The following ZZEF1 variants were observed in gnomAD, a reference collection of about 807,000 sequenced individuals.
ZZEF1 encodes zinc finger ZZ-type and EF-hand domain containing 1.
ZZEF1 carries 157 observed loss-of-function variants against 342.8 expected under a neutral mutation model. The ratio of observed to expected loss-of-function variants is 0.46; its 90% CI spans 0.40 to 0.52. The LOEUF is 0.52. ZZEF1 is among the 20% of genes least tolerant of loss of function. The probability of loss-of-function intolerance (pLI) is 0.00; values close to 1 mark genes in which losing one functional copy is unlikely to be tolerated. For missense variants in ZZEF1, 3,480 were observed against 3,725.6 expected (o/e 0.93, Z 1.72); for synonymous variants, 1,505 against 1,429.1 (o/e 1.05, Z -1.20).
intron 21 of ZZEF1, among the ~76,000 whole-genome samples, 153 bp from the exon 22 acceptor site, chr17:4,075,582 C>T (rs1567818197): frequency 6.6e-6 from 1 of 152,186 alleles, no homozygotes. Context: ...CCTGACATTC[C>T]CATCTTCACA....
chr17:4,068,388 G>T (rs2057444200), intron 26 of ZZEF1, among the ~76,000 whole-genome samples: 1 of 152,128 alleles, frequency 6.6e-6, no homozygotes, highest in South Asian at 2.1e-4. Flanking sequence ...AGCAATTCAA[G>T]CAATTCTCCT....
chr17:4,086,747 G>A, intron 14 of ZZEF1, 92 bp from the exon 15 acceptor site: 3 of 1,312,986 alleles, frequency 2.3e-6, no homozygotes, highest in Non-Finnish European at 2.1e-6. Flanking sequence ...CTTTCCTCTA[G>A]GCATCAGGCT....
intron 1 of ZZEF1, among the ~76,000 whole-genome samples, chr17:4,141,118 A>G (rs1488933625): frequency 6.6e-6 from 1 of 152,190 alleles, no homozygotes. Context: ...CACGTTGGCC[A>G]GGCTGGTCTT....
At position 4,062,829 on chromosome 17, in the gene ZZEF1, C is replaced by G; in HGVS notation, c.4807G>C (p.Gly1603Arg). The G allele has an allele frequency of 6.2e-7, 1 of 1,613,538 alleles. No individual in the cohort carries two copies. Among genetic ancestry groups the G allele is most frequent in the Non-Finnish European group, 8.5e-7 (1 of 1,179,816 alleles). ...GGTGGATGGAAGCAGTGGGGCTGCC[C>G]AAGGGATTCTGCACAGTGCTGAGTT... ...KITQHCAESLGQPHCFHPPFI... is the reference protein window; with the variant it reads ...KITQHCAESLRQPHCFHPPFI... Residue 1603 changes from glycine to arginine, a missense_variant, in exon 30 of 55, where the codon GGG becomes CGG. Gly to Arg is a moderately radical substitution (Grantham distance 125). Transcript: ENST00000381638.
intron 2 of ZZEF1, among the ~76,000 whole-genome samples, chr17:4,118,921 A>G (rs2058440537): frequency 6.6e-6 from 1 of 152,206 alleles, no homozygotes; most frequent in African/African-American, 2.4e-5. Flanking sequence ...AATCTGCACA[A>G]TGTCATCAGT....
Position 4,044,225 on chromosome 17 carries a change from TG to T in ZZEF1, c.6164del (p.Pro2055GlnfsTer14). On this transcript the variant is annotated frameshift_variant and splice_region_variant, in exon 38 of 55. Coordinates refer to ENST00000381638, the MANE Select transcript of ZZEF1 (RefSeq NM_015113.4). LOFTEE classifies it high-confidence loss of function. ...AGATAATGGTCAAATAGTCTTTACC[TG>T]GAAGTCCTGTAGGTGGGCTAGCATC... ...PADASPPTGL[P>X]DAEDSEVSSQ... 1.2e-6 allele frequency: 2 copies of T among 1,613,458 alleles called. No homozygotes were observed. The highest frequency in any genetic ancestry group is 1.7e-6 in the Non-Finnish European group (2 of 1,179,786).
At chr17:4,086,706 T>C in intron 14 of ZZEF1, 51 bp from the exon 15 acceptor site, 1 of 1,597,594 alleles carries the variant, frequency 6.3e-7, no homozygotes, top group Non-Finnish European at 8.6e-7. Flanking sequence ...TTGCATTTAC[T>C]CTCCAAAGCC....
intron 30 of ZZEF1, among the ~76,000 whole-genome samples, chr17:4,062,109 TC>T (rs568714246): frequency 1.3e-5 from 2 of 151,794 alleles, no homozygotes; most frequent in South Asian, 2.1e-4. Flanking sequence ...TTGGACTAAC[TC>T]CCCCCCTGGA....
At position 4,123,989 on chromosome 17, in the gene ZZEF1, G is replaced by A; in HGVS notation, c.417C>T (p.Ala139=). 6.2e-7 allele frequency: 1 copy of A among 1,613,598 alleles called. No individual in the cohort carries two copies. The highest frequency in any genetic ancestry group is 8.5e-7 in the Non-Finnish European group (1 of 1,179,896). The part of the protein sequence containing the change: ...GTVDAENMLE[A]LKNSSGANLQ... ...GATTAGCTCCACTGGAATTCTTGAG[G>A]GCCTCCAACATGTTCTCGGCATCAA... The change falls in exon 2 of 55, where the codon GCC becomes GCT. Residue 139 remains alanine (A), a synonymous_variant. Transcript: ENST00000381638.
At chr17:4,037,775 G>A (rs1386372458) in intron 39 of ZZEF1, among the ~76,000 whole-genome samples, 1 of 152,168 alleles carries the variant, frequency 6.6e-6, no homozygotes, top group Non-Finnish European at 1.5e-5. Flanking sequence ...TGTAGATAGA[G>A]TCTTGCTATG....
chr17:4,102,335 C>G lies in ZZEF1; in HGVS notation c.1654G>C (p.Glu552Gln), dbSNP rs779642795. The G allele has an allele frequency of 6.2e-7, 1 of 1,613,796 alleles. No individual in the cohort carries two copies. Among genetic ancestry groups the G allele is most frequent in the Non-Finnish European group, 8.5e-7 (1 of 1,179,758 alleles). Reference sequence around the variant, plus strand: ...CACTCACCATCCCTTGTCCACGGTTCAACAAGGAGGTTTTCGGGTCCAGAC... The same window carrying G: ...CACTCACCATCCCTTGTCCACGGTTGAACAAGGAGGTTTTCGGGTCCAGAC... ...DKSGPENLLV[E>Q]PWTRDGFLTE... The change falls in exon 9 of 55, where the codon GAA (glutamate) becomes CAA (glutamine). Residue 552 changes from glutamate to glutamine, a missense_variant. By Grantham distance (29) the Glu-to-Gln change is conservative. Transcript: ENST00000381638.
At chr17:4,040,828 G>T (rs998801187) in intron 39 of ZZEF1, among the ~76,000 whole-genome samples, 1 of 152,128 alleles carries the variant, frequency 6.6e-6, no homozygotes, top group African/African-American at 2.4e-5. Flanking sequence ...ATCCAGTCAG[G>T]AAAAGGTCAC....
chr17:4,019,532 T>C (rs1387604465), intron 46 of ZZEF1, 137 bp downstream of exon 46: 6 of 716,630 alleles, frequency 8.4e-6, no homozygotes, highest in Non-Finnish European at 1.4e-5. Flanking sequence ...CACCTCGCCT[T>C]ACAAAGGACT....
At chr17:4,123,268 CATAT>C (rs60101709) in intron 2 of ZZEF1, among the ~76,000 whole-genome samples, 8,218 of 84,296 alleles carry the variant, frequency 0.097, 370 homozygotes, top group African/African-American at 0.12. Context: ...TTATCATAAC[CATAT>C]ATATATATAT....
Position 4,008,789 on chromosome 17 carries a change from C to G in ZZEF1, c.8805+94G>C. The G allele has an allele frequency of 2.0e-6, 3 of 1,504,202 alleles. No individual in the cohort carries two copies. In the East Asian group the frequency reaches 7.4e-5, roughly 37 times the overall value. The allele number at this position is 1,504,202 out of a possible 1,614,324, so 93.2% of individuals were successfully genotyped here. ...TAAGCTCCGGGTGGATTCTGTCCTA[C>G]TCAGACGCAATGTACAGACCTTCTC... On this transcript the variant is annotated intron_variant, in intron 54 of 54. Transcript: ENST00000381638. The surrounding 1 kb of genome is among the most constrained non-coding windows in gnomAD (Gnocchi z 4.2).
chr17:4,064,823 T>C lies in ZZEF1; in HGVS notation c.4256A>G (p.Glu1419Gly). 1 of 1,560,398 alleles carries C rather than the reference T, an allele frequency of 6.4e-7. No homozygotes were observed. The highest frequency in any genetic ancestry group is 8.7e-7 in the Non-Finnish European group (1 of 1,155,252). ...TAATAGAAGACTCTTCTCAATGCAC[T>C]CTTTTGCTAGATGCAAACAAGAATC... ...TEVNPESLAK[E>G]CIEKSLLLLK... The change falls in exon 29 of 55, where the codon GAG becomes GGG. Residue 1419 changes from glutamate (E) to glycine (G), a missense_variant. Around this residue, in one of 5 missense-constraint regions of ZZEF1, gnomAD observed 1,528 missense variants for 1,624.1 expected, o/e 0.94. Transcript: ENST00000381638.
intron 1 of ZZEF1, among the ~76,000 whole-genome samples, chr17:4,137,992 TA>T (rs999697029): frequency 7.1e-6 from 1 of 141,788 alleles, no homozygotes; most frequent in Non-Finnish European, 1.6e-5. Context: ...CATGCGGGGG[TA>T]GGGGGAAGAT....
At chr17:4,128,138 G>C (rs1292414022) in intron 1 of ZZEF1, among the ~76,000 whole-genome samples, 1 of 152,058 alleles carries the variant, frequency 6.6e-6, no homozygotes, top group Non-Finnish European at 1.5e-5. Context: ...TTGAGGCCAG[G>C]AATTTGAGAC....
chr17:4,019,746 G>A lies in ZZEF1; in HGVS notation c.7428C>T (p.Ala2476=), dbSNP rs765547839. Residue 2476 remains alanine (A), a synonymous_variant, in exon 46 of 55, where the codon GCC becomes GCT. Transcript: ENST00000381638. ...ATATGGCCCGGAGAATGTGCAGAGG[G>A]GCATTGAGGGCATCATGAGCCATCT... ...CFLMAHDALN[A]PLHILRAIYE... 6.2e-7 allele frequency: 1 copy of A among 1,610,460 alleles called. No homozygotes were observed. The highest frequency in any genetic ancestry group is 2.2e-5 in the East Asian group (1 of 44,600).
Sources: gnomAD v4.1 joint callset for allele counts (sites outside exome capture counted in the v4.1 genomes callset) on GRCh38, gnomAD v4.1.1 for gene constraint, gnomAD v4.1.1 regional missense constraint, Gnocchi (gnomAD v3.1) non-coding constraint, MANE v1.5 for transcripts, NCBI Gene and HGNC (gene_info 2026-07-23, HGNC 2026-07-21) for gene names.